Variants in ZNF43 observed in about 807,000 individuals in gnomAD.
ZNF43 encodes the protein zinc finger protein 39-like 1 (KOX 27).
In ZNF43, 44 loss-of-function variants were observed where a neutral mutation model predicts 68.4. The observed-to-expected ratio is 0.64, with a 90% CI of 0.51 to 0.83. The LOEUF is 0.83. Ranked by LOEUF, ZNF43 falls within the 40% of genes least tolerant of loss-of-function variation. The probability of loss-of-function intolerance (pLI) is 0.00; values close to 1 mark genes in which losing one functional copy is unlikely to be tolerated. For missense variants in ZNF43, 896 were observed against 933.2 expected (o/e 0.96, Z 0.52); for synonymous variants, 308 against 307.8 (o/e 1.00, Z -0.01).
exon 1 of ZNF43, chr19:21,851,990 A>G (rs1056175508): frequency 6.6e-6 from 10 of 1,519,280 alleles, no homozygotes; most frequent in Admixed American, 2.0e-5. Flanking sequence ...GGCTGCGACA[A>G]AGTCACCGGG....
chr19:21,809,856 T>C, intron 3 of ZNF43, 49 bp from the exon 4 acceptor site: 3 of 1,455,058 alleles, frequency 2.1e-6, no homozygotes, highest in Non-Finnish European at 2.7e-6. Flanking sequence ...GACTCAGAGA[T>C]AAATATACTT....
chr19:21,836,133 G>T lies in ZNF43; in HGVS notation c.-95C>A, dbSNP rs2038720598. The stretch of plus-strand genomic sequence containing the variant: ...AGAGGCTGGACCTCTAGCAGCAGAG[G>T]ACACAGAAGAACGAAGACGAGACGC... On this transcript the variant is annotated 5_prime_UTR_variant, in exon 1 of 4. Transcript: ENST00000354959. The T allele has an allele frequency of 1.3e-6, 2 of 1,598,392 alleles. No individual in the cohort carries two copies. Among genetic ancestry groups the T allele is most frequent in the Non-Finnish European group, 1.7e-6 (2 of 1,171,930 alleles).
At position 21,808,528 on chromosome 19, in the gene ZNF43, A is replaced by G; in HGVS notation, c.1509T>C (p.Ile503=). The part of the protein sequence containing the change: ...RSSNLTKHKK[I]HIEKKPYKCE... ...ATTTGTAGGGTTTCTTTTCAATGTGAATTTTCTTATGTTTAGTAAGGTTTG... is the reference window on the plus strand; with the variant it reads ...ATTTGTAGGGTTTCTTTTCAATGTGGATTTTCTTATGTTTAGTAAGGTTTG... Residue 503 remains isoleucine, a synonymous_variant, in exon 4 of 4, where the codon ATT becomes ATC. Transcript: ENST00000354959. 1 of 1,612,500 alleles carries G rather than the reference A, an allele frequency of 6.2e-7. No homozygotes were observed. Among genetic ancestry groups the G allele is most frequent in the East Asian group, 2.2e-5 (1 of 44,766 alleles).
intron 2 of ZNF43, 23 bp downstream of exon 2, chr19:21,819,072 T>A: frequency 6.3e-7 from 1 of 1,599,428 alleles, no homozygotes; most frequent in South Asian, 1.1e-5. Context: ...ATATTAGGAA[T>A]TGAGTATTGA....
chr19:21,810,683 T>G (rs1465345423), intron 3 of ZNF43, among the ~76,000 whole-genome samples: 1 of 152,096 alleles, frequency 6.6e-6, no homozygotes, highest in Non-Finnish European at 1.5e-5. Flanking sequence ...GTGCAGTCGC[T>G]TATGCTTATA....
intron 3 of ZNF43, 116 bp from the exon 4 acceptor site, chr19:21,809,923 A>G (rs1393067407): frequency 2.1e-6 from 2 of 967,170 alleles, no homozygotes; most frequent in Admixed American, 3.1e-5. Flanking sequence ...GAAAAATACC[A>G]CAGGCCCTAA....
intron 1 of ZNF43, among the ~76,000 whole-genome samples, chr19:21,844,914 AAAAAAAAATATATATATATATAT>A (rs1183549825): frequency 8.9e-6 from 1 of 112,948 alleles, no homozygotes; most frequent in African/African-American, 4.1e-5. Context: ...AAAAAAAAAA[AAAAAAAAATATATATATATATAT>A]ATATATATAT....
chr19:21,834,674 G>T (rs1478130222), intron 1 of ZNF43, among the ~76,000 whole-genome samples: 1 of 151,468 alleles, frequency 6.6e-6, no homozygotes, highest in Non-Finnish European at 1.5e-5. Flanking sequence ...CAGGAGAATC[G>T]GTTGAACCCG....
chr19:21,829,861 A>C (rs2038337934), intron 1 of ZNF43, among the ~76,000 whole-genome samples: 1 of 152,184 alleles, frequency 6.6e-6, no homozygotes, highest in African/African-American at 2.4e-5. Flanking sequence ...ACATCATAAA[A>C]GAACAAGAGA....
At chr19:21,820,053 G>T (rs2037721582) in intron 1 of ZNF43, among the ~76,000 whole-genome samples, 1 of 151,450 alleles carries the variant, frequency 6.6e-6, no homozygotes. Context: ...ACAAAAATTA[G>T]CCAAGCGTGG....
chr19:21,831,073 A>G (rs1475209895), intron 1 of ZNF43, among the ~76,000 whole-genome samples: 1 of 152,208 alleles, frequency 6.6e-6, no homozygotes, highest in Non-Finnish European at 1.5e-5. Flanking sequence ...AAAACCCTCA[A>G]CGAACTAGGC....
At chr19:21,849,432 G>A (rs1350688991) in intron 1 of ZNF43, among the ~76,000 whole-genome samples, 1 of 139,306 alleles carries the variant, frequency 7.2e-6, no homozygotes, top group African/African-American at 2.7e-5. Flanking sequence ...AGGTTGCAGT[G>A]AGCCAAGATC....
intron 1 of ZNF43, among the ~76,000 whole-genome samples, chr19:21,846,392 C>A (rs1011941517): frequency 6.6e-6 from 1 of 152,110 alleles, no homozygotes; most frequent in Non-Finnish European, 1.5e-5. Flanking sequence ...CTGGGCCAAA[C>A]AATAAGTCAC....
upstream of ZNF43, chr19:21,837,832 G>A (rs1244990361): frequency 2.0e-5 from 3 of 152,092 alleles, no homozygotes; most frequent in Non-Finnish European, 4.4e-5. Flanking sequence ...CAATCAATAT[G>A]TATAAGATCT....
chr19:21,835,079 T>G (rs2038635183), intron 1 of ZNF43, among the ~76,000 whole-genome samples: 1 of 149,546 alleles, frequency 6.7e-6, no homozygotes, highest in Non-Finnish European at 1.5e-5. Context: ...AATCCCGTCT[T>G]TACTAAAAAT....
At chr19:21,820,210 A>C (rs1166336582) in intron 1 of ZNF43, among the ~76,000 whole-genome samples, 1 of 136,086 alleles carries the variant, frequency 7.3e-6, no homozygotes, top group Non-Finnish European at 1.6e-5. Flanking sequence ...AAATAATAAT[A>C]ATAATAATAT....
At chr19:21,844,896 C>CAAAAAA (rs869257892) in intron 1 of ZNF43, among the ~76,000 whole-genome samples, 4 of 35,792 alleles carry the variant, frequency 1.1e-4, no homozygotes, top group African/African-American at 6.5e-4. Context: ...GATTCCGTCT[C>CAAAAAA]AAAAAAAAAA....
At chr19:21,846,767 A>G (rs1400792863) in intron 1 of ZNF43, among the ~76,000 whole-genome samples, 1 of 152,218 alleles carries the variant, frequency 6.6e-6, no homozygotes, top group African/African-American at 2.4e-5. Flanking sequence ...AAGACAAGAG[A>G]GTCAAATCAC....
chr19:21,843,064 T>G (rs1210457259), intron 1 of ZNF43: 1 of 152,234 alleles, frequency 6.6e-6, no homozygotes, highest in South Asian at 2.1e-4. Flanking sequence ...AGGTAGGAGA[T>G]TCATATCATC....
Sources: gnomAD v4.1 joint callset for allele counts (sites outside exome capture counted in the v4.1 genomes callset) on GRCh38, gnomAD v4.1.1 for gene constraint, MANE v1.5 for transcripts, NCBI Gene and HGNC (gene_info 2026-07-23, HGNC 2026-07-21) for gene names.